Variants in SEPTIN3 observed in about 807,000 individuals in gnomAD.
The protein encoded by SEPTIN3 is neuronal-specific septin-3.
Under a neutral mutation model 45.1 loss-of-function variants are expected in SEPTIN3, and 15 were observed. The ratio of observed to expected loss-of-function variants is 0.33; its 90% CI spans 0.22 to 0.51. The LOEUF (loss-of-function observed/expected upper bound fraction) is 0.51, where lower values mean the gene tolerates loss of function less well. Among genes scored for constraint, SEPTIN3 ranks in the 20% least tolerant of loss-of-function variants. The pLI is 0.97. For synonymous variants in SEPTIN3, 148 were observed against 164.8 expected, an observed-to-expected ratio of 0.90 and a Z score of 0.78; for missense variants, 289 against 457.2, an observed-to-expected ratio of 0.63 and a Z score of 3.35.
intron 2 of SEPTIN3, among the ~76,000 whole-genome samples, chr22:41,974,675 A>AAG: frequency 6.6e-6 from 1 of 150,752 alleles, no homozygotes; most frequent in African/African-American, 2.4e-5. Flanking sequence ...AAAAAAAAAA[A>AAG]AAGAAAAAAA....
At chr22:41,977,152 G>T (rs911722090) in intron 2 of SEPTIN3, 1 of 1,464,410 alleles carries the variant, frequency 6.8e-7, no homozygotes, top group Admixed American at 2.2e-5. Context: ...AGGCGCTCCT[G>T]GGGGAGGGTT....
intron 11 of SEPTIN3, chr22:41,996,627 C>A: frequency 8.3e-7 from 1 of 1,207,486 alleles, no homozygotes; most frequent in Non-Finnish European, 1.0e-6. Context: ...AGGGTAGGCA[C>A]CTGTCAGGAC....
intron 9 of SEPTIN3, 82 bp downstream of exon 9, chr22:41,992,845 A>C: frequency 1.1e-6 from 1 of 923,506 alleles, no homozygotes; most frequent in East Asian, 2.6e-5. Context: ...AGGTCAAGGC[A>C]CTGTCTCAGG....
In SEPTIN3 at chr22:41,991,564, C is replaced by T. The variant is rs184572914; in HGVS notation, c.2164-9C>T. On this transcript the variant is annotated splice_polypyrimidine_tract_variant and intron_variant, in intron 7 of 11. Transcript: ENST00000644076. ...ACTTGACTACCTTGTTTCTTCTCCT[C>T]GCCTCTAGGTTCGCAAGGAGCTTGA... The T allele has an allele frequency of 6.4e-4, 1,019 of 1,595,472 alleles. 8 individuals carry two copies. In the African/African-American group the frequency reaches 0.012, roughly 18 times the overall value.
rs1714713937 is a variant in SEPTIN3, at chr22:41,971,570, T to C, written c.78T>C (p.His26=). ...CAGGCCCGGGAACCTCCTTCTCCCA[T>C]AGCCATGTGCTGGGGCGCCCTATCC... ...GAPGPGTSFS[H]SHVLGRPIRP... The change falls in exon 2 of 12, where the codon CAT becomes CAC. Residue 26 remains histidine, a synonymous_variant. Coordinates refer to ENST00000644076, the MANE Select transcript of SEPTIN3 (RefSeq NM_001363845.2). 5.0e-6 allele frequency: 2 copies of C among 399,186 alleles called. No homozygotes were observed. Among genetic ancestry groups the C allele is most frequent in the Non-Finnish European group, 8.8e-6 (2 of 226,208 alleles). The allele number at this position is 399,186 out of a possible 1,614,324, so 24.7% of individuals were successfully genotyped here. A position where few individuals can be genotyped will look rare whatever the true frequency, so the allele number is the denominator to read the frequency against.
chr22:41,981,823 C>T lies in SEPTIN3; in HGVS notation c.1683C>T (p.Asn561=). 1 of 1,613,660 alleles carries T rather than the reference C, an allele frequency of 6.2e-7. No individual in the cohort carries two copies. The highest frequency in any genetic ancestry group is 2.2e-5 in the East Asian group (1 of 44,882). Residue 561 remains asparagine (N), a synonymous_variant, in exon 3 of 12, where the codon AAC becomes AAT. Transcript: ENST00000644076. ...KKTMKTGFDF[N]IMVVGQSGLG... ...CCATGAAGACCGGTTTCGACTTCAA[C>T]ATCATGGTCGTTGGTACGGAAGGCT...
In SEPTIN3 at chr22:41,991,595, A is replaced by G. The variant is rs2078318789; in HGVS notation, c.2186A>G (p.Asn729Ser). The G allele has an allele frequency of 6.2e-7, 1 of 1,613,804 alleles. No homozygotes were observed. The highest frequency in any genetic ancestry group is 1.7e-5 in the Admixed American group (1 of 60,004). ...KQRVRKELEVNGIEFYPQKEF... is the reference protein window; with the variant it reads ...KQRVRKELEVSGIEFYPQKEF... ...TAGGTTCGCAAGGAGCTTGAAGTAAATGGCATTGAATTCTACCCCCAGAAG... is the reference window on the plus strand; with the variant it reads ...TAGGTTCGCAAGGAGCTTGAAGTAAGTGGCATTGAATTCTACCCCCAGAAG... The change falls in exon 8 of 12, where the codon AAT (asparagine) becomes AGT (serine). Residue 729 changes from asparagine to serine, a missense_variant. By Grantham distance (46) the Asn-to-Ser change is conservative. Coordinates refer to ENST00000644076, the MANE Select transcript of SEPTIN3 (RefSeq NM_001363845.2).
Position 41,997,117 on chromosome 22 carries a change from C to A in SEPTIN3, c.*150C>A. Reference sequence around the variant, plus strand: ...GGAGGGGCCAGCTGCCTCTTTAGGCCAGTTGCATCCTCCATTTATCCAAAC... The same window carrying A: ...GGAGGGGCCAGCTGCCTCTTTAGGCAAGTTGCATCCTCCATTTATCCAAAC... On this transcript the variant is annotated 3_prime_UTR_variant, in exon 12 of 12. Transcript: ENST00000644076. 1 of 1,408,102 alleles carries A rather than the reference C, an allele frequency of 7.1e-7. No homozygotes were observed. The highest frequency in any genetic ancestry group is 9.5e-7 in the Non-Finnish European group (1 of 1,049,298). The allele number at this position is 1,408,102 out of a possible 1,614,324, so 87.2% of individuals were successfully genotyped here.
rs9611697 is a variant in SEPTIN3 at position 41,992,666 on chromosome 22, G to A, written c.2262G>A (p.Gln754=). The A allele has an allele frequency of 2.5e-6, 4 of 1,599,758 alleles. No homozygotes were observed. Among genetic ancestry groups the A allele is most frequent in the Non-Finnish European group, 3.4e-6 (4 of 1,171,872 alleles). ...GTTTGTGTTTCTGCCCCGTGCAGCA[G>A]GAGAGCATGCCTTTTGCTGTGGTGG... ...EDKTENDKIR[Q]ESMPFAVVGS... Residue 754 remains glutamine, a splice_region_variant and synonymous_variant, in exon 9 of 12, where the codon CAG becomes CAA. Transcript: ENST00000644076.
chr22:41,977,128 G>A, intron 2 of SEPTIN3: 6 of 1,557,524 alleles, frequency 3.9e-6, no homozygotes, highest in Non-Finnish European at 5.2e-6. Flanking sequence ...TGCGGCCCCG[G>A]CCAGCGCGGC....
chr22:41,970,687 T>C (rs969458204), intron 1 of SEPTIN3, among the ~76,000 whole-genome samples: 6 of 152,092 alleles, frequency 3.9e-5, no homozygotes, highest in Non-Finnish European at 8.8e-5. Flanking sequence ...GGGCCTTCTG[T>C]AGGAACAGCC....
chr22:41,989,100 C>G (rs912593642), intron 6 of SEPTIN3, among the ~76,000 whole-genome samples: 1 of 133,142 alleles, frequency 7.5e-6, no homozygotes, highest in African/African-American at 2.9e-5. Flanking sequence ...GCACTCCAGC[C>G]TGGGTGACAA....
In SEPTIN3 at chr22:41,995,086, TCTG is replaced by T. The variant is rs1021449426; in HGVS notation, c.2505+373_2505+375del. ...AAAGCTGTTTGCCTCACTCAGGAGA[TCTG>T]GGGGAGGTTTCATTTAAAAGTGCTG... On this transcript the variant is annotated intron_variant, in intron 11 of 11. Transcript: ENST00000644076. 2.0e-5 allele frequency: 22 copies of T among 1,114,500 alleles called. No individual in the cohort carries two copies. The African/African-American group carries it at 3.2e-4, about 16-fold the overall frequency. 69.0% of individuals were successfully genotyped at this position (1,114,500 alleles called of 1,614,324 possible).
Position 41,989,659 on chromosome 22 carries a change from A to C in SEPTIN3, c.2138A>C (p.Glu713Ala), listed in dbSNP as rs1373225799. The stretch of plus-strand genomic sequence containing the variant: ...GCTAAGGCTGACACCATGACCCTGG[A>C]GGAGAAGTCTGAATTCAAGCAAAGG... The part of the protein sequence containing the change: ...VIAKADTMTL[E>A]EKSEFKQRVR... The change falls in exon 7 of 12, where the codon GAG (glutamate) becomes GCG (alanine). Residue 713 changes from glutamate (E) to alanine (A), a missense_variant. By Grantham distance (107) the Glu-to-Ala change is moderately radical. Coordinates refer to ENST00000644076, the MANE Select transcript of SEPTIN3 (RefSeq NM_001363845.2). 6.2e-7 allele frequency: 1 copy of C among 1,612,950 alleles called. No homozygotes were observed. The highest frequency in any genetic ancestry group is 8.5e-7 in the Non-Finnish European group (1 of 1,178,982).
In SEPTIN3 at chr22:41,972,386, T is replaced by C; in HGVS notation, c.894T>C (p.Pro298=). Residue 298 remains proline, a synonymous_variant, in exon 2 of 12, where the codon CCT becomes CCC. Transcript: ENST00000644076. ...AACTGGACACAGGCACAGAGTTCCC[T>C]GCCCTGGATATCAAGCTGGGCACAG... ...TSQLDTGTEF[P]ALDIKLGTAR... 2.5e-6 allele frequency: 1 copy of C among 399,136 alleles called. No homozygotes were observed. The highest frequency in any genetic ancestry group is 4.4e-6 in the Non-Finnish European group (1 of 226,102). 24.7% of individuals were successfully genotyped at this position (399,136 alleles called of 1,614,324 possible). A position where few individuals can be genotyped will look rare whatever the true frequency, so the allele number is the denominator to read the frequency against.
intron 4 of SEPTIN3, 57 bp from the exon 5 acceptor site, chr22:41,987,149 G>T: frequency 7.0e-7 from 1 of 1,424,752 alleles, no homozygotes; most frequent in Non-Finnish European, 9.6e-7. Flanking sequence ...AGGCTGCCAG[G>T]TACCTGGGGT....
rs1270845187 is a variant in SEPTIN3 at position 41,994,281 on chromosome 22, T to C, written c.2360-9T>C. On this transcript the variant is annotated splice_polypyrimidine_tract_variant and intron_variant, in intron 9 of 11. Coordinates refer to ENST00000644076, the MANE Select transcript of SEPTIN3 (RefSeq NM_001363845.2). The surrounding 1 kb of genome is among the most constrained non-coding windows in gnomAD (Gnocchi z 4.2). ...CTACCTGTTTTGCTTTGTTTTGTTT[T>C]GTTCATAGTGGAAAACCTCAACCAC... is the stretch of plus-strand genomic sequence containing the variant. 1.9e-6 allele frequency: 3 copies of C among 1,613,782 alleles called. No individual in the cohort carries two copies. In the Admixed American group the frequency reaches 5.0e-5, roughly 27 times the overall value.
At chr22:41,990,493 C>G (rs550695546) in intron 7 of SEPTIN3, among the ~76,000 whole-genome samples, 24 of 151,586 alleles carry the variant, frequency 1.6e-4, no homozygotes, top group African/African-American at 5.8e-4. Flanking sequence ...TGCCTGTAAT[C>G]CCAGCACTTT....
At chr22:41,996,550 C>T in intron 11 of SEPTIN3, 1 of 1,049,582 alleles carries the variant, frequency 9.5e-7, no homozygotes, top group Non-Finnish European at 1.1e-6. Context: ...GTGACCCCAA[C>T]CTATGCTCTC....
Sources: allele counts gnomAD v4.1 joint callset (sites outside exome capture counted in the v4.1 genomes callset), GRCh38; gene constraint gnomAD v4.1.1; non-coding constraint Gnocchi (gnomAD v3.1); transcripts MANE v1.5; gene names NCBI Gene and HGNC (gene_info 2026-07-23, HGNC 2026-07-21).